The following SGCZ variants were observed in gnomAD, a reference collection of about 807,000 sequenced individuals.
SGCZ encodes zeta-sarcoglycan.
SGCZ carries 40 observed loss-of-function variants against 41.3 expected under a neutral mutation model. The ratio of observed to expected loss-of-function variants is 0.97; its 90% CI spans 0.75 to 1.26. SGCZ has a LOEUF of 1.26. Among genes scored for constraint, SGCZ ranks in the 50% most tolerant of loss-of-function variants. SGCZ has a pLI of 0.00. For synonymous variants in SGCZ, 206 were observed against 137.5 expected, an observed-to-expected ratio of 1.50 and a Z score of -3.49; for missense variants, 552 against 369.8, an observed-to-expected ratio of 1.49 and a Z score of -4.04.
At chr8:14,396,277 T>C (rs531471737) in intron 2 of SGCZ, among the ~76,000 whole-genome samples, 3 of 152,320 alleles carry the variant, frequency 2.0e-5, no homozygotes, top group South Asian at 4.1e-4. Flanking sequence ...TGAACACATT[T>C]TCTGAGCCAA....
chr8:14,164,816 G>C (rs1362046600), intron 4 of SGCZ, 114 bp from the exon 5 acceptor site: 1 of 1,285,860 alleles, frequency 7.8e-7, no homozygotes, highest in Non-Finnish European at 1.1e-6. Flanking sequence ...TATCTCTGCT[G>C]TATGTTTTGC....
chr8:15,051,416 G>A (rs936236885), intron 1 of SGCZ, among the ~76,000 whole-genome samples: 2 of 151,778 alleles, frequency 1.3e-5, no homozygotes, highest in Non-Finnish European at 2.9e-5. Flanking sequence ...TCCTCCTCTC[G>A]ATAGACATGT....
intron 3 of SGCZ, among the ~76,000 whole-genome samples, chr8:14,245,323 T>A (rs1799046845): frequency 6.6e-6 from 1 of 152,088 alleles, no homozygotes. Context: ...TTGACAAACC[T>A]GACAAAAACA....
At chr8:15,075,737 G>C (rs887438744) in intron 1 of SGCZ, among the ~76,000 whole-genome samples, 11 of 152,078 alleles carry the variant, frequency 7.2e-5, no homozygotes, top group African/African-American at 2.7e-4. Context: ...AATGCCTTTA[G>C]TATTACATGC....
intron 1 of SGCZ, among the ~76,000 whole-genome samples, chr8:15,216,815 C>A (rs1801418556): frequency 6.6e-6 from 1 of 151,958 alleles, no homozygotes; most frequent in Non-Finnish European, 1.5e-5. Flanking sequence ...ATAAAACAGA[C>A]TAGAATTAGG....
intron 1 of SGCZ, among the ~76,000 whole-genome samples, chr8:14,577,626 G>T (rs1585095135): frequency 6.6e-6 from 1 of 152,208 alleles, no homozygotes; most frequent in East Asian, 1.9e-4. Flanking sequence ...GACCTCAGGT[G>T]ATCTGCCCGC....
intron 1 of SGCZ, among the ~76,000 whole-genome samples, chr8:15,000,728 G>A (rs1041959290): frequency 1.3e-5 from 2 of 152,112 alleles, no homozygotes; most frequent in African/African-American, 2.4e-5. Context: ...CAATATACCC[G>A]ATGGAAACAA....
At position 14,393,623 on chromosome 8, in the gene SGCZ, C is replaced by T. The variant is rs1210490606; in HGVS notation, c.235-69419G>A. ...TCAGCTGGTCCTTTCCACTGAGAGA[C>T]CTTTTTCTCCATAGAGAAAGCTGTT... On this transcript the variant is annotated intron_variant, in intron 2 of 7. Coordinates refer to ENST00000382080, the MANE Select transcript of SGCZ (RefSeq NM_139167.4). Among the ~76,000 whole-genome samples, 5 of 151,936 alleles carry T rather than the reference C, an allele frequency of 3.3e-5. No homozygotes were observed. The South Asian group carries it at 1.0e-3, about 32-fold the overall frequency.
Position 14,515,269 on chromosome 8 carries a change from A to G in SGCZ, c.234+39463T>C, listed in dbSNP as rs537509158. 1.6e-4 allele frequency among the ~76,000 whole-genome samples: 24 copies of G among 152,094 alleles called. No homozygotes were observed. In the South Asian group the frequency reaches 5.0e-3, roughly 32 times the overall value. On this transcript the variant is annotated intron_variant, in intron 2 of 7. Transcript: ENST00000382080. ...GTTTCTGCACTCACTGACTTATTTA[A>G]GTTTGTGCTCCTGCTGTATTTTTGC...
At chr8:14,832,176 T>A (rs563686473) in intron 1 of SGCZ, among the ~76,000 whole-genome samples, 8 of 152,326 alleles carry the variant, frequency 5.3e-5, no homozygotes, top group Admixed American at 2.6e-4. Flanking sequence ...CATCGTGACA[T>A]TAATTCTTTT....
intron 1 of SGCZ, among the ~76,000 whole-genome samples, chr8:14,570,831 C>T (rs1804528478): frequency 6.6e-6 from 1 of 151,906 alleles, no homozygotes; most frequent in Non-Finnish European, 1.5e-5. Context: ...TATTTTATTC[C>T]AGTATTGTGC....
chr8:14,374,602 G>T (rs1225481569), intron 2 of SGCZ, among the ~76,000 whole-genome samples: 2 of 152,074 alleles, frequency 1.3e-5, no homozygotes, highest in Non-Finnish European at 2.9e-5. Context: ...AGTTGAACAC[G>T]AAAAGCCTAT....
rs532688637 is a variant in SGCZ at position 14,923,585 on chromosome 8, G to T, written c.39+314000C>A. 4.6e-5 allele frequency among the ~76,000 whole-genome samples: 7 copies of T among 152,228 alleles called. No homozygotes were observed. The East Asian group carries it at 7.7e-4, about 17-fold the overall frequency. ...TTCAATTAATTAAAAATCACTTCAA[G>T]ATTTCTTCTCTACTTCACTGCATAA... is the stretch of plus-strand genomic sequence containing the variant. On this transcript the variant is annotated intron_variant, in intron 1 of 7. Transcript: ENST00000382080.
At chr8:15,038,711 T>C (rs1237640577) in intron 1 of SGCZ, among the ~76,000 whole-genome samples, 1 of 150,358 alleles carries the variant, frequency 6.7e-6, no homozygotes, top group Non-Finnish European at 1.5e-5. Flanking sequence ...TTATCACTTC[T>C]GATAAGGAGT....
intron 3 of SGCZ, among the ~76,000 whole-genome samples, chr8:14,302,492 C>A (rs1801228800): frequency 6.6e-6 from 1 of 152,056 alleles, no homozygotes; most frequent in East Asian, 1.9e-4. Context: ...TTCCTTAAAG[C>A]CATCTTCCTC....
chr8:14,889,415 T>C (rs1285145160), intron 1 of SGCZ, among the ~76,000 whole-genome samples: 1 of 152,170 alleles, frequency 6.6e-6, no homozygotes, highest in African/African-American at 2.4e-5. Context: ...ATAAAACGCC[T>C]AATTAGATAA....
At chr8:15,096,928 A>T (rs1806368309) in intron 1 of SGCZ, among the ~76,000 whole-genome samples, 1 of 151,948 alleles carries the variant, frequency 6.6e-6, no homozygotes, top group South Asian at 2.1e-4. Context: ...CTCGTGATCC[A>T]CCCACCTCGG....
chr8:14,991,585 T>C (rs1246690657), intron 1 of SGCZ, among the ~76,000 whole-genome samples: 1 of 152,146 alleles, frequency 6.6e-6, no homozygotes, highest in Non-Finnish European at 1.5e-5. Flanking sequence ...AGTATGTCCA[T>C]AGCAAACTCA....
intron 2 of SGCZ, among the ~76,000 whole-genome samples, chr8:14,509,472 G>A (rs1461878): frequency 0.48 from 72,911 of 151,926 alleles, 17,779 homozygotes; most frequent in East Asian, 0.65. Flanking sequence ...AATATGATGT[G>A]CCCAAATTTA....
Sources: gnomAD v4.1 joint callset for allele counts (sites outside exome capture counted in the v4.1 genomes callset) on GRCh38, gnomAD v4.1.1 for gene constraint, MANE v1.5 for transcripts, NCBI Gene and HGNC (gene_info 2026-07-23, HGNC 2026-07-21) for gene names.